GAB2: variants seen among roughly 807,000 people sequenced by gnomAD.
GAB2 encodes GRB2 associated binding protein 2, also known as GRB2-associated-binding protein 2.
A neutral mutation model predicts 65.5 loss-of-function variants in GAB2; 26 were observed. The observed-to-expected ratio is 0.40, with a 90% CI of 0.29 to 0.55. The LOEUF is 0.55. Ranked by LOEUF, GAB2 falls within the 20% of genes least tolerant of loss-of-function variation. The pLI, the probability that GAB2 is intolerant of heterozygous loss-of-function variation, is 0.53. For synonymous variants in GAB2, 321 were observed against 329.6 expected (o/e 0.97, Z 0.28); for missense variants, 884 against 875.8 (o/e 1.01, Z -0.12).
intron 1 of GAB2, among the ~76,000 whole-genome samples, chr11:78,345,055 G>A (rs1026805193): frequency 3.3e-5 from 5 of 152,188 alleles, no homozygotes; most frequent in Non-Finnish European, 7.3e-5. Context: ...GGAGGCGGGT[G>A]AATCACTTGA....
At chr11:78,377,213 A>G (rs1327678643) in intron 1 of GAB2, among the ~76,000 whole-genome samples, 1 of 152,220 alleles carries the variant, frequency 6.6e-6, no homozygotes, top group East Asian at 1.9e-4. Context: ...ACAGCCTAAT[A>G]CACAGACATT....
At chr11:78,308,923 T>C (rs1855429203) in intron 1 of GAB2, among the ~76,000 whole-genome samples, 2 of 152,188 alleles carry the variant, frequency 1.3e-5, no homozygotes, top group South Asian at 4.1e-4. Flanking sequence ...AATAAAAAGT[T>C]GAAGACATAG....
chr11:78,349,670 GT>G (rs1022081344), intron 1 of GAB2, among the ~76,000 whole-genome samples: 2 of 151,998 alleles, frequency 1.3e-5, no homozygotes, highest in African/African-American at 4.8e-5. Context: ...AAGTCAGGGA[GT>G]TTTTTTTCTT....
chr11:78,354,788 A>G (rs1354685007), intron 1 of GAB2, among the ~76,000 whole-genome samples: 2 of 152,196 alleles, frequency 1.3e-5, no homozygotes. Context: ...AATAGACTGA[A>G]GTGGGCTGAA....
chr11:78,247,312 G>C (rs1476091418), intron 3 of GAB2, among the ~76,000 whole-genome samples: 1 of 152,110 alleles, frequency 6.6e-6, no homozygotes, highest in Admixed American at 6.5e-5. Flanking sequence ...AAAGCCTGTG[G>C]TGGCTTCCAC....
chr11:78,272,952 G>A (rs2134569644), intron 2 of GAB2, among the ~76,000 whole-genome samples: 1 of 152,362 alleles, frequency 6.6e-6, no homozygotes, highest in South Asian at 2.1e-4. Flanking sequence ...TTCAGAGGGT[G>A]GAAGCCCCAA....
At chr11:78,298,660 G>C (rs768449972) in intron 1 of GAB2, among the ~76,000 whole-genome samples, 25 of 152,288 alleles carry the variant, frequency 1.6e-4, no homozygotes, top group Non-Finnish European at 2.5e-4. Flanking sequence ...AAATATTGGA[G>C]AAAGAAAGGT....
chr11:78,385,148 A>C (rs369569633), intron 1 of GAB2, among the ~76,000 whole-genome samples: 1 of 152,240 alleles, frequency 6.6e-6, no homozygotes, highest in Non-Finnish European at 1.5e-5. Context: ...ATTGCCCAGA[A>C]AACAAAGGAC....
chr11:78,257,344 G>C (rs1590972207), intron 2 of GAB2, among the ~76,000 whole-genome samples: 1 of 152,204 alleles, frequency 6.6e-6, no homozygotes, highest in African/African-American at 2.4e-5. Flanking sequence ...CCACCCTCAA[G>C]CCTCAGTGGG....
At chr11:78,295,505 T>A (rs1378802922) in intron 1 of GAB2, among the ~76,000 whole-genome samples, 2 of 152,210 alleles carry the variant, frequency 1.3e-5, no homozygotes, top group Non-Finnish European at 2.9e-5. Context: ...AATCATTCAA[T>A]CAACATTTAT....
At chr11:78,235,448 G>A (rs556950559) in intron 3 of GAB2, among the ~76,000 whole-genome samples, 137 of 152,218 alleles carry the variant, frequency 9.0e-4, no homozygotes, top group African/African-American at 3.2e-3. Flanking sequence ...CACTGCGCCC[G>A]GCTGGGTGTT....
chr11:78,252,377 A>G (rs1865479392), intron 2 of GAB2, among the ~76,000 whole-genome samples: 1 of 152,200 alleles, frequency 6.6e-6, no homozygotes. Context: ...TCATTACTCC[A>G]TTAGATTTGC....
At chr11:78,378,650 T>G (rs1444924657) in intron 1 of GAB2, among the ~76,000 whole-genome samples, 2 of 152,126 alleles carry the variant, frequency 1.3e-5, no homozygotes, top group Non-Finnish European at 1.5e-5. Context: ...AGTCACTTTT[T>G]TCTTTTTGTT....
chr11:78,328,531 T>C (rs966477823), intron 1 of GAB2, among the ~76,000 whole-genome samples: 1 of 152,102 alleles, frequency 6.6e-6, no homozygotes, highest in East Asian at 1.9e-4. Context: ...CAGGCATCCA[T>C]CCGAAGGAGA....
intron 2 of GAB2, among the ~76,000 whole-genome samples, chr11:78,273,796 G>A (rs986866786): frequency 2.6e-5 from 4 of 152,164 alleles, no homozygotes; most frequent in African/African-American, 9.7e-5. Context: ...TTGTTGGAAG[G>A]ACCTGCTGGG....
Position 78,332,755 on chromosome 11 carries a change from C to A in GAB2, c.76-51854G>T, listed in dbSNP as rs969383133. 1.4e-4 allele frequency among the ~76,000 whole-genome samples: 22 copies of A among 152,178 alleles called. 1 individual carries two copies. The highest frequency in any genetic ancestry group is 1.3e-4 in the Admixed American group (2 of 15,278). On this transcript the variant is annotated intron_variant, in intron 1 of 9. Transcript: ENST00000361507. Reference sequence around the variant, plus strand: ...AAACTAAAAAGTAACATTTAGGAGACCAAAAAGTAACTATTAAGAAGTGTT... The same window carrying A: ...AAACTAAAAAGTAACATTTAGGAGAACAAAAAGTAACTATTAAGAAGTGTT...
rs116714016 is a variant in GAB2 at position 78,408,027 on chromosome 11, C to T, written c.75+9619G>A. Among the ~76,000 whole-genome samples the T allele has an allele frequency of 7.9e-3, 1,195 of 152,066 alleles. 17 individuals are homozygous for T. The highest frequency in any genetic ancestry group is 0.027 in the African/African-American group (1,130 of 41,476). On this transcript the variant is annotated intron_variant, in intron 1 of 9. Coordinates refer to ENST00000361507, the MANE Select transcript of GAB2 (RefSeq NM_080491.3). ...AGACAATTTATCACTGGCCAATCTACCCTAAAGAATGGCTAAAGGAAGTTC... is the reference window on the plus strand; with the variant it reads ...AGACAATTTATCACTGGCCAATCTATCCTAAAGAATGGCTAAAGGAAGTTC...
intron 1 of GAB2, among the ~76,000 whole-genome samples, chr11:78,284,896 G>T (rs1042139458): frequency 3.9e-5 from 6 of 152,030 alleles, no homozygotes; most frequent in African/African-American, 1.5e-4. Flanking sequence ...TATAATTAAT[G>T]AATCATTTTC....
In GAB2 at chr11:78,294,673, A is replaced by C. The variant is rs183088999; in HGVS notation, c.76-13772T>G. Among the ~76,000 whole-genome samples the C allele has an allele frequency of 2.8e-4, 42 of 152,354 alleles. 1 individual carries two copies. The East Asian group carries it at 8.1e-3, about 29-fold the overall frequency. On this transcript the variant is annotated intron_variant, in intron 1 of 9. Coordinates refer to ENST00000361507, the MANE Select transcript of GAB2 (RefSeq NM_080491.3). ...CTATTTAATAAATGGTGCTGGGGAA[A>C]CTGGCTAGCCATATGTAGAAAGCTG...
Sources: allele counts gnomAD v4.1 joint callset (sites outside exome capture counted in the v4.1 genomes callset), GRCh38; gene constraint gnomAD v4.1.1; transcripts MANE v1.5; gene names NCBI Gene and HGNC (gene_info 2026-07-23, HGNC 2026-07-21).